Variants in OSBPL2 observed in about 807,000 individuals in gnomAD.
The protein encoded by OSBPL2 is oxysterol-binding protein-related protein 2.
A neutral mutation model predicts 58.4 loss-of-function variants in OSBPL2; 18 were observed. That is an observed-to-expected ratio of 0.31 (90% CI 0.21 to 0.46). The LOEUF is 0.46. Ranked by LOEUF, OSBPL2 falls within the 20% of genes least tolerant of loss-of-function variation. The pLI is 1.00. For missense variants in OSBPL2, 461 were observed against 616.5 expected (o/e 0.75, Z 2.67); for synonymous variants, 221 against 234.1 (o/e 0.94, Z 0.51).
At chr20:62,277,674 G>T (rs1345424698) in intron 6 of OSBPL2, among the ~76,000 whole-genome samples, 1 of 152,188 alleles carries the variant, frequency 6.6e-6, no homozygotes, top group African/African-American at 2.4e-5. Context: ...ACATACCTTG[G>T]TAGTCAACCT....
At chr20:62,248,988 G>A (rs765578975) in intron 1 of OSBPL2, among the ~76,000 whole-genome samples, 5 of 152,146 alleles carry the variant, frequency 3.3e-5, no homozygotes, top group African/African-American at 4.8e-5. Context: ...GTGAGCCACC[G>A]TGCAGGGCCC....
At chr20:62,290,154 C>T (rs1203617304) in intron 12 of OSBPL2, among the ~76,000 whole-genome samples, 1 of 152,182 alleles carries the variant, frequency 6.6e-6, no homozygotes, top group East Asian at 1.9e-4. Flanking sequence ...CTTTCTCACT[C>T]ACTCATCTAG....
intron 4 of OSBPL2, 31 bp downstream of exon 4, chr20:62,263,722 G>A (rs1367500940): frequency 3.8e-6 from 6 of 1,583,070 alleles, no homozygotes; most frequent in Non-Finnish European, 4.3e-6. Flanking sequence ...TCACACATGG[G>A]GCTGCACCAC....
rs1162892734 is a variant in OSBPL2 at position 62,249,700 on chromosome 20, G to A, written c.-128-6357G>A. 3.9e-5 allele frequency among the ~76,000 whole-genome samples: 6 copies of A among 152,074 alleles called. 1 individual carries two copies. The highest frequency in any genetic ancestry group is 7.4e-5 in the Non-Finnish European group (5 of 68,008). On this transcript the variant is annotated intron_variant, in intron 1 of 13. Coordinates refer to ENST00000313733, the MANE Select transcript of OSBPL2 (RefSeq NM_144498.4). ...AGCAATTCTCCTGCCTCAGCCTCCCGAGTAGCTGGGATTACAGGCATGGGC... is the reference window on the plus strand; with the variant it reads ...AGCAATTCTCCTGCCTCAGCCTCCCAAGTAGCTGGGATTACAGGCATGGGC...
chr20:62,239,945 C>T (rs561798489), intron 1 of OSBPL2, among the ~76,000 whole-genome samples: 3 of 152,334 alleles, frequency 2.0e-5, no homozygotes, highest in East Asian at 1.9e-4. Flanking sequence ...CTCCGTCTCC[C>T]GGCTTCAAGC....
At chr20:62,289,150 C>T in intron 11 of OSBPL2, 57 bp from the exon 12 acceptor site, 12 of 1,591,746 alleles carry the variant, frequency 7.5e-6, no homozygotes, top group Non-Finnish European at 1.0e-5. Flanking sequence ...GGTCTTGGAG[C>T]ATAGTCCATG....
At chr20:62,290,548 G>C (rs986874575) in intron 12 of OSBPL2, among the ~76,000 whole-genome samples, 1 of 150,030 alleles carries the variant, frequency 6.7e-6, no homozygotes, top group Non-Finnish European at 1.5e-5. Flanking sequence ...TCCCCGAGTA[G>C]CTGGGACTAC....
At chr20:62,247,521 G>A (rs1254394979) in intron 1 of OSBPL2, among the ~76,000 whole-genome samples, 1 of 152,200 alleles carries the variant, frequency 6.6e-6, no homozygotes, top group Non-Finnish European at 1.5e-5. Flanking sequence ...ACGGGAATGA[G>A]TTTGAAAGTC....
intron 1 of OSBPL2, among the ~76,000 whole-genome samples, chr20:62,248,228 C>T (rs185240813): frequency 8.7e-5 from 12 of 137,828 alleles, no homozygotes; most frequent in Admixed American, 5.8e-4. Context: ...AATCTTGGCT[C>T]ATTGCAACCT....
intron 9 of OSBPL2, among the ~76,000 whole-genome samples, chr20:62,283,721 A>G (rs989596427): frequency 6.6e-6 from 1 of 151,898 alleles, no homozygotes; most frequent in Non-Finnish European, 1.5e-5. Flanking sequence ...CCCTGGACCA[A>G]CCATCCTTTG....
chr20:62,263,440 G>A (rs1190123523), intron 3 of OSBPL2, among the ~76,000 whole-genome samples, 176 bp from the exon 4 acceptor site: 1 of 152,168 alleles, frequency 6.6e-6, no homozygotes, highest in Non-Finnish European at 1.5e-5. Flanking sequence ...TGGGAACATG[G>A]GTGTGGAAGG....
At position 62,261,287 on chromosome 20, in the gene OSBPL2, G is replaced by C. The variant is rs1264992546; in HGVS notation, c.182+1162G>C. The stretch of plus-strand genomic sequence containing the variant: ...GCCGAGGTCACGCCGCTGCACTCCA[G>C]CCTGGGTGACAGAGTGAGACTCCAT... On this transcript the variant is annotated intron_variant, in intron 3 of 13. Transcript: ENST00000313733. Among the ~76,000 whole-genome samples the C allele has an allele frequency of 3.5e-5, 5 of 141,042 alleles. No homozygotes were observed. In the East Asian group the frequency reaches 1.1e-3, roughly 30 times the overall value. 92.5% of individuals were successfully genotyped at this position (141,042 alleles called of 152,430 possible). A position where few individuals can be genotyped will look rare whatever the true frequency, so the allele number is the denominator to read the frequency against.
chr20:62,280,178 A>G (rs1478631832), intron 7 of OSBPL2: 9 of 1,163,472 alleles, frequency 7.7e-6, no homozygotes, highest in Non-Finnish European at 1.0e-5. Flanking sequence ...GGTCCTAACA[A>G]ATACATACAG....
intron 7 of OSBPL2, chr20:62,280,095 C>T: frequency 1.5e-6 from 2 of 1,304,142 alleles, no homozygotes; most frequent in South Asian, 1.2e-5. Flanking sequence ...CGGATGCTGG[C>T]GTCCTCCTGG....
intron 1 of OSBPL2, among the ~76,000 whole-genome samples, chr20:62,243,671 G>A (rs1004573374): frequency 5.9e-5 from 9 of 152,164 alleles, no homozygotes; most frequent in African/African-American, 1.9e-4. Context: ...TAACAAGCTC[G>A]GGAGGGTCTG....
At chr20:62,276,089 G>A (rs1028040841) in intron 6 of OSBPL2, among the ~76,000 whole-genome samples, 1 of 152,018 alleles carries the variant, frequency 6.6e-6, no homozygotes, top group African/African-American at 2.4e-5. Flanking sequence ...GCTAATTTTC[G>A]TGTTTTCAGT....
At chr20:62,267,558 T>C (rs1312402212) in intron 4 of OSBPL2, among the ~76,000 whole-genome samples, 1 of 152,156 alleles carries the variant, frequency 6.6e-6, no homozygotes, top group African/African-American at 2.4e-5. Flanking sequence ...GGGGTAGTCT[T>C]ATTTCGAGGT....
intron 1 of OSBPL2, among the ~76,000 whole-genome samples, chr20:62,241,271 C>T (rs75149263): frequency 6.6e-6 from 1 of 152,068 alleles, no homozygotes; most frequent in Non-Finnish European, 1.5e-5. Context: ...CAGCTCACTG[C>T]AAGCTCTGCC....
At chr20:62,274,495 A>G (rs528576509) in intron 6 of OSBPL2, among the ~76,000 whole-genome samples, 1 of 152,314 alleles carries the variant, frequency 6.6e-6, no homozygotes, top group Admixed American at 6.5e-5. Flanking sequence ...GAGAGTCAGC[A>G]GAGCACAGTT....
Sources: allele counts gnomAD v4.1 joint callset (sites outside exome capture counted in the v4.1 genomes callset), GRCh38; gene constraint gnomAD v4.1.1; transcripts MANE v1.5; gene names NCBI Gene and HGNC (gene_info 2026-07-23, HGNC 2026-07-21).